The following SLC1A6 variants were observed in gnomAD, a reference collection of about 807,000 sequenced individuals.
The protein encoded by SLC1A6 is excitatory amino acid transporter 4.
In SLC1A6, 15 loss-of-function variants were observed where a neutral mutation model predicts 42.1. That is an observed-to-expected ratio of 0.36 (90% CI 0.24 to 0.55). The LOEUF is 0.55. SLC1A6 is among the 20% of genes least tolerant of loss of function. SLC1A6 has a pLI of 0.88. For synonymous variants in SLC1A6, 317 were observed against 319.7 expected, an observed-to-expected ratio of 0.99 and a Z score of 0.09; for missense variants, 542 against 772.5, an observed-to-expected ratio of 0.70 and a Z score of 3.54.
chr19:15,006,887 A>G (rs955988463), intron 1 of SLC1A6, among the ~76,000 whole-genome samples: 1 of 152,192 alleles, frequency 6.6e-6, no homozygotes, highest in Non-Finnish European at 1.5e-5. Flanking sequence ...CAGGAGGTTG[A>G]GGCTGCAGTG....
chr19:14,980,538 T>A (rs2023924), upstream of SLC1A6, among the ~76,000 whole-genome samples: 6,648 of 151,746 alleles, frequency 0.044, 300 homozygotes, highest in African/African-American at 0.11. Context: ...ACGCCTGTAA[T>A]CCCAGCACTT....
chr19:14,992,655 C>G (rs1369260930), intron 1 of SLC1A6, among the ~76,000 whole-genome samples: 1 of 144,018 alleles, frequency 6.9e-6, no homozygotes, highest in Non-Finnish European at 1.5e-5. Flanking sequence ...AAGACTCTGT[C>G]TCAAAAAAAA....
At chr19:14,978,093 T>C (rs1357836330) in intron 1 of SLC1A6, 2 of 152,270 alleles carry the variant, frequency 1.3e-5, no homozygotes, top group Admixed American at 6.5e-5. Context: ...TAGGCTTTCC[T>C]GGGTCTAGGC....
intron 4 of SLC1A6, among the ~76,000 whole-genome samples, chr19:14,966,534 TTAA>T (rs1408302089): frequency 6.6e-6 from 1 of 152,038 alleles, no homozygotes; most frequent in African/African-American, 2.4e-5. Context: ...AAAATATTTT[TTAA>T]TAATAAAAAT....
chr19:14,968,137 A>G (rs886673464), intron 4 of SLC1A6, among the ~76,000 whole-genome samples, 166 bp downstream of exon 4: 9 of 152,170 alleles, frequency 5.9e-5, no homozygotes, highest in Non-Finnish European at 1.3e-4. Flanking sequence ...CATTCAGCAT[A>G]AAGCTCCTAC....
At chr19:14,960,467 C>T (rs540624163) in intron 6 of SLC1A6, among the ~76,000 whole-genome samples, 12 of 151,762 alleles carry the variant, frequency 7.9e-5, no homozygotes, top group South Asian at 4.2e-4. Context: ...ATGAATGAAC[C>T]GATAGAAAAA....
rs2045397369 is a variant in SLC1A6 at position 14,950,192 on chromosome 19, C to G, written c.*3G>C. On this transcript the variant is annotated 3_prime_UTR_variant, in exon 10 of 10. Coordinates refer to ENST00000594383, the MANE Select transcript of SLC1A6 (RefSeq NM_005071.3). ...TCTCTGGGGGGGCAGAGCTGGAGGC[C>G]CCTCACATAGCACTCTCGTTGCCTC... 2 of 1,539,450 alleles carry G rather than the reference C, an allele frequency of 1.3e-6. No homozygotes were observed. The highest frequency in any genetic ancestry group is 3.7e-5 in the Admixed American group (2 of 53,602).
chr19:14,975,174 T>A (rs2145210318), intron 1 of SLC1A6: 1 of 132,170 alleles, frequency 7.6e-6, no homozygotes, highest in South Asian at 2.5e-4. Context: ...GGGGAGAGGT[T>A]GGTTAACAGA....
intron 4 of SLC1A6, among the ~76,000 whole-genome samples, chr19:14,967,277 C>T (rs1408760896): frequency 6.6e-6 from 1 of 152,182 alleles, no homozygotes; most frequent in East Asian, 1.9e-4. Flanking sequence ...AGCCTGTCCC[C>T]TTTGTCTCTC....
At chr19:14,974,843 T>A (rs2045685401) in intron 1 of SLC1A6, 1 of 151,232 alleles carries the variant, frequency 6.6e-6, no homozygotes. Context: ...GTGGGGAGGA[T>A]CACCTGAGCC....
chr19:14,986,476 T>C (rs559747087), intron 1 of SLC1A6, among the ~76,000 whole-genome samples: 7 of 151,380 alleles, frequency 4.6e-5, no homozygotes, highest in Non-Finnish European at 7.4e-5. Context: ...TGAGCCGAGA[T>C]TGCACCATTG....
chr19:14,990,818 A>T (rs1320838506), intron 1 of SLC1A6, among the ~76,000 whole-genome samples: 1 of 152,048 alleles, frequency 6.6e-6, no homozygotes, highest in African/African-American at 2.4e-5. Context: ...ATTTCAAGAG[A>T]TCTGTTGTAC....
At chr19:14,989,869 G>T (rs1199755986) in intron 1 of SLC1A6, among the ~76,000 whole-genome samples, 1 of 151,872 alleles carries the variant, frequency 6.6e-6, no homozygotes, top group African/African-American at 2.4e-5. Flanking sequence ...GTGCGCACCT[G>T]TAATCCCAGC....
At position 14,968,377 on chromosome 19, in the gene SLC1A6, G is replaced by C. The variant is rs1422643868; in HGVS notation, c.474C>G (p.Gly158=). 1 of 1,613,856 alleles carries C rather than the reference G, an allele frequency of 6.2e-7. No homozygotes were observed. Among genetic ancestry groups the C allele is most frequent in the African/African-American group, 1.3e-5 (1 of 75,044 alleles). The change falls in exon 4 of 10, where the codon GGC becomes GGG. Residue 158 remains glycine (G), a synonymous_variant. Transcript: ENST00000594383. ...CCTCCCGGTGCAGCCCCTCCTTGGA[G>C]CCCTTCCCGGGATGGATGATGGTGA... ...LMVTIIHPGK[G]SKEGLHREGR...
intron 1 of SLC1A6, among the ~76,000 whole-genome samples, chr19:14,994,883 CA>C (rs57713824): frequency 6.6e-6 from 1 of 151,750 alleles, no homozygotes; most frequent in Non-Finnish European, 1.5e-5. Flanking sequence ...TATTCAGCCA[CA>C]AAAAAAATAA....
intron 9 of SLC1A6, among the ~76,000 whole-genome samples, chr19:14,950,896 G>A (rs1334095702): frequency 6.6e-6 from 1 of 151,344 alleles, no homozygotes; most frequent in African/African-American, 2.4e-5. Flanking sequence ...AGTGAGCTAT[G>A]ATCATGCCAC....
At chr19:14,961,383 A>G (rs1032781041) in intron 6 of SLC1A6, 24 of 152,298 alleles carry the variant, frequency 1.6e-4, no homozygotes, top group African/African-American at 5.5e-4. Flanking sequence ...AAATAAATAA[A>G]TGAATGACCA....
At chr19:14,953,298 CCT>C (rs1217661070) in intron 8 of SLC1A6, among the ~76,000 whole-genome samples, 2 of 147,224 alleles carry the variant, frequency 1.4e-5, no homozygotes, top group Admixed American at 6.9e-5. Context: ...TGCCTCGCCT[CCT>C]CTCTCTCTCT....
chr19:14,975,560 G>T (rs1298863425), intron 1 of SLC1A6, among the ~76,000 whole-genome samples: 1 of 152,034 alleles, frequency 6.6e-6, no homozygotes, highest in Non-Finnish European at 1.5e-5. Context: ...TTCGAGACCA[G>T]CCTGGCCAAC....
Sources: allele counts gnomAD v4.1 joint callset (sites outside exome capture counted in the v4.1 genomes callset), GRCh38; gene constraint gnomAD v4.1.1; transcripts MANE v1.5; gene names NCBI Gene and HGNC (gene_info 2026-07-23, HGNC 2026-07-21).